Variants in CHTF8 observed in about 807,000 individuals in gnomAD.
CHTF8 encodes the protein chromosome transmission fidelity factor 8, also known as chromosome transmission fidelity protein 8 homolog.
Under a neutral mutation model 11.0 loss-of-function variants are expected in CHTF8, and 6 were observed. The ratio of observed to expected loss-of-function variants is 0.55; its 90% CI spans 0.30 to 1.08. The LOEUF (loss-of-function observed/expected upper bound fraction) is 1.08. Among genes scored for constraint, CHTF8 ranks in the 50% least tolerant of loss-of-function variants. The pLI is 0.07. For synonymous variants in CHTF8, 53 were observed against 60.5 expected (o/e 0.88, Z 0.57); for missense variants, 140 against 153.1 (o/e 0.91, Z 0.45).
intron 1 of CHTF8, among the ~76,000 whole-genome samples, chr16:69,124,459 T>C (rs1408244086): frequency 6.6e-6 from 1 of 152,186 alleles, no homozygotes; most frequent in Non-Finnish European, 1.5e-5. Context: ...ACTCTCACTC[T>C]GTTGCCCAGG....
chr16:69,123,859 G>A (rs760593382), intron 1 of CHTF8, among the ~76,000 whole-genome samples: 1 of 151,462 alleles, frequency 6.6e-6, no homozygotes, highest in African/African-American at 2.4e-5. Flanking sequence ...AGACCAAAGT[G>A]GGTGGATCAC....
chr16:69,126,865 GT>G (rs1195584913), intron 1 of CHTF8, among the ~76,000 whole-genome samples: 5 of 152,170 alleles, frequency 3.3e-5, no homozygotes, highest in African/African-American at 1.2e-4. Context: ...CTAGGGCACA[GT>G]AGGTAGGGAT....
rs1488920132 is a variant in CHTF8, at chr16:69,118,792, A to G, written c.*1633T>C. 11 of 655,386 alleles carry G rather than the reference A, an allele frequency of 1.7e-5. No individual in the cohort carries two copies. In the East Asian group the frequency reaches 3.0e-4, roughly 18 times the overall value. The allele number at this position is 655,386 out of a possible 1,614,324, so 40.6% of individuals were successfully genotyped here. On this transcript the variant is annotated 3_prime_UTR_variant, in exon 4 of 4. Coordinates refer to ENST00000448552, the MANE Select transcript of CHTF8 (RefSeq NM_001039690.5). The stretch of plus-strand genomic sequence containing the variant: ...CTCCACAACTACCCTTTTACCTAAG[A>G]CAGCCCCTGCCAAGAACCACAGTGC...
chr16:69,129,290 C>T (rs1962316301), intron 1 of CHTF8, among the ~76,000 whole-genome samples: 1 of 151,496 alleles, frequency 6.6e-6, no homozygotes, highest in Non-Finnish European at 1.5e-5. Context: ...ATTAGCCGGG[C>T]GTGGTGGCAG....
intron 1 of CHTF8, among the ~76,000 whole-genome samples, chr16:69,127,311 G>A (rs1962140434): frequency 6.6e-6 from 1 of 150,622 alleles, no homozygotes; most frequent in South Asian, 2.1e-4. Context: ...GACAGAGTGA[G>A]TAGAAAAAAG....
At position 69,119,711 on chromosome 16, in the gene CHTF8, G is replaced by A. The variant is rs1220367151; in HGVS notation, c.*714C>T. 1.3e-5 allele frequency: 9 copies of A among 684,566 alleles called. No individual in the cohort carries two copies. The highest frequency in any genetic ancestry group is 2.1e-5 in the Admixed American group (1 of 48,310). The allele number at this position is 684,566 out of a possible 1,614,324, so 42.4% of individuals were successfully genotyped here. ...TTAGGGCCTGGGCCCAGGCCACTTG[G>A]TCTTGGGTTGGGCCCAAGGCCTGGG... On this transcript the variant is annotated 3_prime_UTR_variant, in exon 4 of 4. Coordinates refer to ENST00000448552, the MANE Select transcript of CHTF8 (RefSeq NM_001039690.5).
chr16:69,124,501 A>T (rs975003671), intron 1 of CHTF8, among the ~76,000 whole-genome samples: 23 of 150,526 alleles, frequency 1.5e-4, no homozygotes, highest in African/African-American at 5.1e-4. Flanking sequence ...TCGGCTCACC[A>T]CAACCTTCAC....
chr16:69,130,777 T>C (rs1339621760), intron 1 of CHTF8, among the ~76,000 whole-genome samples: 1 of 152,236 alleles, frequency 6.6e-6, no homozygotes, highest in Non-Finnish European at 1.5e-5. Context: ...TACTACACTG[T>C]GTTAGCATAT....
chr16:69,132,400 TCCCGCTCC>T (rs1393086520), intron 1 of CHTF8, 76 bp downstream of exon 1: 1 of 154,142 alleles, frequency 6.5e-6, no homozygotes, highest in Admixed American at 6.9e-5. Flanking sequence ...CTCCCTAGCT[TCCCGCTCC>T]CTCGCGCCCT....
intron 1 of CHTF8, among the ~76,000 whole-genome samples, chr16:69,125,045 T>C (rs576205612): frequency 2.0e-5 from 3 of 152,086 alleles, no homozygotes; most frequent in Non-Finnish European, 4.4e-5. Context: ...GCTAGGATTA[T>C]AGGCATGTGC....
chr16:69,118,582 A>T lies in CHTF8; in HGVS notation c.*1843T>A. 1 of 741,556 alleles carries T rather than the reference A, an allele frequency of 1.3e-6. No individual in the cohort carries two copies. Among genetic ancestry groups the T allele is most frequent in the South Asian group, 1.5e-5 (1 of 68,802 alleles). The allele number at this position is 741,556 out of a possible 1,614,324, so 45.9% of individuals were successfully genotyped here. A position where few individuals can be genotyped will look rare whatever the true frequency, so the allele number is the denominator to read the frequency against. ...AACTAGTAAGAAACAATGGGCAGAA[A>T]GCTGTGGGACGAAAGCACAGCAGGC... On this transcript the variant is annotated 3_prime_UTR_variant, in exon 4 of 4. Coordinates refer to ENST00000448552, the MANE Select transcript of CHTF8 (RefSeq NM_001039690.5).
At chr16:69,123,846 G>A (rs1961858133) in intron 1 of CHTF8, among the ~76,000 whole-genome samples, 1 of 151,472 alleles carries the variant, frequency 6.6e-6, no homozygotes, top group Admixed American at 6.6e-5. Flanking sequence ...CCAGAACTTT[G>A]GGAGACCAAA....
chr16:69,121,355 C>A (rs911158090), intron 2 of CHTF8, 81 bp downstream of exon 2: 27 of 1,347,046 alleles, frequency 2.0e-5, no homozygotes, highest in South Asian at 3.9e-5. Context: ...ACCTAAGGAC[C>A]CTGATTCTTC....
intron 1 of CHTF8, among the ~76,000 whole-genome samples, chr16:69,123,352 T>A (rs1961820323): frequency 6.6e-6 from 1 of 152,152 alleles, no homozygotes; most frequent in Non-Finnish European, 1.5e-5. Flanking sequence ...TCAAAGGGTC[T>A]CCCTTTAAAA....
At chr16:69,122,037 C>A (rs887729540) in intron 1 of CHTF8, among the ~76,000 whole-genome samples, 2 of 151,688 alleles carry the variant, frequency 1.3e-5, no homozygotes, top group African/African-American at 4.8e-5. Context: ...TCACCCGCCT[C>A]AGCCTCCCAA....
chr16:69,126,585 C>CTAG (rs1300924305), intron 1 of CHTF8, among the ~76,000 whole-genome samples: 1 of 152,186 alleles, frequency 6.6e-6, no homozygotes, highest in African/African-American at 2.4e-5. Flanking sequence ...TTGTCTTATC[C>CTAG]TAGAACTATT....
intron 1 of CHTF8, among the ~76,000 whole-genome samples, chr16:69,129,657 G>A (rs992864899): frequency 6.6e-6 from 1 of 152,118 alleles, no homozygotes; most frequent in Non-Finnish European, 1.5e-5. Context: ...CTACTTAAGT[G>A]GAGAGCTGGG....
At position 69,119,466 on chromosome 16, in the gene CHTF8, A is replaced by C; in HGVS notation, c.*959T>G. The C allele has an allele frequency of 2.8e-6, 2 of 702,896 alleles. No individual in the cohort carries two copies. Among genetic ancestry groups the C allele is most frequent in the Non-Finnish European group, 5.2e-6 (2 of 384,988 alleles). 43.5% of individuals were successfully genotyped at this position (702,896 alleles called of 1,614,324 possible). On this transcript the variant is annotated 3_prime_UTR_variant, in exon 4 of 4. Transcript: ENST00000448552. ...TTGGCCCTGGAAGGCCAATTCCCCG[A>C]GAGCTAGGACCCGAGTTTGGGCCCA...
At chr16:69,128,657 C>T (rs1962266262) in intron 1 of CHTF8, among the ~76,000 whole-genome samples, 2 of 152,320 alleles carry the variant, frequency 1.3e-5, no homozygotes, top group East Asian at 1.9e-4. Context: ...TCCTGACCCA[C>T]AATGGGAACC....
Sources: gnomAD v4.1 joint callset for allele counts (sites outside exome capture counted in the v4.1 genomes callset) on GRCh38, gnomAD v4.1.1 for gene constraint, MANE v1.5 for transcripts, NCBI Gene and HGNC (gene_info 2026-07-23, HGNC 2026-07-21) for gene names.